TTC7B: variants seen among roughly 807,000 people sequenced by gnomAD.
TTC7B encodes the protein tetratricopeptide repeat domain 7B.
TTC7B carries 28 observed loss-of-function variants against 106.8 expected under a neutral mutation model. That is an observed-to-expected ratio of 0.26 (90% CI 0.19 to 0.36). TTC7B has a LOEUF of 0.36. Ranked by LOEUF, TTC7B falls within the 10% of genes least tolerant of loss-of-function variation. TTC7B has a pLI of 1.00. For missense variants in TTC7B, 862 were observed against 1,076.4 expected (o/e 0.80, Z 2.79); for synonymous variants, 405 against 430.6 (o/e 0.94, Z 0.74).
intron 3 of TTC7B, chr14:90,766,587 C>A: frequency 1.2e-6 from 1 of 832,526 alleles, no homozygotes; most frequent in Non-Finnish European, 2.1e-6. Flanking sequence ...TCAACACCAT[C>A]ATCGATGGGC....
intron 5 of TTC7B, among the ~76,000 whole-genome samples, chr14:90,702,353 C>T (rs577582175): frequency 2.0e-5 from 3 of 151,594 alleles, no homozygotes; most frequent in Non-Finnish European, 4.4e-5. Context: ...AACAACTGTA[C>T]CCACCTCATT....
intron 1 of TTC7B, among the ~76,000 whole-genome samples, chr14:90,800,668 G>A (rs1009150848): frequency 1.6e-4 from 24 of 151,958 alleles, no homozygotes; most frequent in Non-Finnish European, 2.9e-4. Flanking sequence ...AAAATTAGCC[G>A]GGCACAGTGG....
In TTC7B at chr14:90,578,966, A is replaced by G. The variant is rs1156584304; in HGVS notation, c.2108-658T>C. Among the ~76,000 whole-genome samples, 1 of 152,122 alleles carries G rather than the reference A, an allele frequency of 6.6e-6. No homozygotes were observed. The highest frequency in any genetic ancestry group is 1.5e-5 in the Non-Finnish European group (1 of 68,020). On this transcript the variant is annotated intron_variant, in intron 18 of 19. Transcript: ENST00000328459. The surrounding 1 kb of genome is among the most constrained non-coding windows in gnomAD (Gnocchi z 4.7). Reference sequence around the variant, plus strand: ...CGCTTTTAAAACAAGCAGGAAAATGACCCTGCTACCGATCCAGGCCTCAAC... The same window carrying G: ...CGCTTTTAAAACAAGCAGGAAAATGGCCCTGCTACCGATCCAGGCCTCAAC...
At chr14:90,735,095 A>G (rs1037097569) in intron 4 of TTC7B, among the ~76,000 whole-genome samples, 3 of 152,160 alleles carry the variant, frequency 2.0e-5, no homozygotes, top group Non-Finnish European at 4.4e-5. Context: ...TCTGTGACAT[A>G]CCCATTCTAG....
chr14:90,641,150 T>G (rs1413978274), intron 15 of TTC7B, among the ~76,000 whole-genome samples: 1 of 152,204 alleles, frequency 6.6e-6, no homozygotes, highest in African/African-American at 2.4e-5. Flanking sequence ...GTGGCTGAGA[T>G]GGTACCTCTC....
At chr14:90,774,028 C>T (rs536871358) in intron 3 of TTC7B, among the ~76,000 whole-genome samples, 1 of 152,302 alleles carries the variant, frequency 6.6e-6, no homozygotes, top group East Asian at 1.9e-4. Flanking sequence ...TCAGAGGAGC[C>T]ACTGCTGTGG....
chr14:90,768,156 A>G (rs574986144), intron 3 of TTC7B, among the ~76,000 whole-genome samples: 15 of 152,350 alleles, frequency 9.8e-5, no homozygotes, highest in Admixed American at 2.6e-4. Context: ...AGGCTGATAT[A>G]TTCAAAGTGC....
At chr14:90,766,247 A>C (rs1470163410) in intron 3 of TTC7B, among the ~76,000 whole-genome samples, 3 of 134,924 alleles carry the variant, frequency 2.2e-5, no homozygotes, top group Non-Finnish European at 4.5e-5. Flanking sequence ...ACAACATCAA[A>C]AAAAAATCAG....
At chr14:90,764,898 A>G (rs778550658) in intron 3 of TTC7B, among the ~76,000 whole-genome samples, 2 of 152,142 alleles carry the variant, frequency 1.3e-5, no homozygotes, top group Non-Finnish European at 2.9e-5. Context: ...AAAAACTTAC[A>G]CTCAGAGTTA....
chr14:90,550,362 G>A (rs981703402), intron 19 of TTC7B, among the ~76,000 whole-genome samples: 1 of 152,226 alleles, frequency 6.6e-6, no homozygotes, highest in Non-Finnish European at 1.5e-5. Flanking sequence ...AACATGGGAT[G>A]CATGTAATTT....
At chr14:90,766,637 T>C in intron 3 of TTC7B, 1 of 1,106,860 alleles carries the variant, frequency 9.0e-7, no homozygotes, top group South Asian at 1.2e-5. Context: ...ATTAAGGGTG[T>C]GGGCCAAAGA....
chr14:90,744,771 A>G (rs759315617), intron 4 of TTC7B, 21 bp downstream of exon 4: 4 of 1,605,470 alleles, frequency 2.5e-6, no homozygotes, highest in Non-Finnish European at 3.4e-6. Flanking sequence ...TATCAGGAAC[A>G]AACACGTGGT....
At chr14:90,548,070 T>A (rs538249949) in intron 19 of TTC7B, among the ~76,000 whole-genome samples, 2 of 152,336 alleles carry the variant, frequency 1.3e-5, no homozygotes, top group South Asian at 4.1e-4. Flanking sequence ...GCAGCAGGGA[T>A]GGAGGTGAAC....
At chr14:90,548,551 A>T (rs2139769040) in intron 19 of TTC7B, among the ~76,000 whole-genome samples, 1 of 152,346 alleles carries the variant, frequency 6.6e-6, no homozygotes. Context: ...CAGGTGCCAC[A>T]TTAATTGAGG....
At chr14:90,680,430 A>G (rs773695512) in intron 8 of TTC7B, 42 bp downstream of exon 8, 36 of 1,527,572 alleles carry the variant, frequency 2.4e-5, no homozygotes, top group Non-Finnish European at 3.0e-5. Flanking sequence ...AAGGGTCTAC[A>G]GGGCCAGGGG....
intron 7 of TTC7B, among the ~76,000 whole-genome samples, chr14:90,686,993 A>T (rs1388838756): frequency 2.2e-4 from 31 of 140,824 alleles, no homozygotes; most frequent in African/African-American, 6.3e-4. Flanking sequence ...CCAGCTGCCT[A>T]TTTTTTTTTT....
At chr14:90,562,186 C>A (rs936973030) in intron 19 of TTC7B, among the ~76,000 whole-genome samples, 1 of 152,168 alleles carries the variant, frequency 6.6e-6, no homozygotes, top group Admixed American at 6.5e-5. Context: ...GTCAGCCCAC[C>A]TCCACACAGC....
intron 15 of TTC7B, among the ~76,000 whole-genome samples, chr14:90,638,105 G>C (rs535518235): frequency 6.6e-6 from 1 of 151,348 alleles, no homozygotes; most frequent in Admixed American, 6.6e-5. Flanking sequence ...GGCTGGTCTT[G>C]AACTCCTGAG....
chr14:90,743,610 G>C (rs1889850672), intron 4 of TTC7B, among the ~76,000 whole-genome samples: 1 of 152,186 alleles, frequency 6.6e-6, no homozygotes, highest in Non-Finnish European at 1.5e-5. Flanking sequence ...AGGAAACACT[G>C]CCAGCAACAG....
Sources: gnomAD v4.1 joint callset for allele counts (sites outside exome capture counted in the v4.1 genomes callset) on GRCh38, gnomAD v4.1.1 for gene constraint, Gnocchi (gnomAD v3.1) non-coding constraint, MANE v1.5 for transcripts, NCBI Gene and HGNC (gene_info 2026-07-23, HGNC 2026-07-21) for gene names.